The following CMSS1 variants were observed in gnomAD, a reference collection of about 807,000 sequenced individuals.
The protein encoded by CMSS1 is protein CMSS1.
Under a neutral mutation model 43.5 loss-of-function variants are expected in CMSS1, and 33 were observed. That is an observed-to-expected ratio of 0.76 (90% CI 0.57 to 1.01). The LOEUF (loss-of-function observed/expected upper bound fraction) is 1.01. CMSS1 is among the 50% of genes least tolerant of loss of function. The probability of loss-of-function intolerance (pLI) is 0.00; values close to 1 mark genes in which losing one functional copy is unlikely to be tolerated. For synonymous variants in CMSS1, 115 were observed against 117.2 expected (o/e 0.98, Z 0.12); for missense variants, 313 against 326.4 (o/e 0.96, Z 0.32).
chr3:99,853,583 G>C (rs1459281496), intron 1 of CMSS1, among the ~76,000 whole-genome samples: 1 of 152,180 alleles, frequency 6.6e-6, no homozygotes, highest in African/African-American at 2.4e-5. Flanking sequence ...TTTTGGAGTA[G>C]GCATGATGCA....
chr3:100,059,277 G>A (rs890717602), intron 1 of CMSS1, among the ~76,000 whole-genome samples: 5 of 152,096 alleles, frequency 3.3e-5, no homozygotes, highest in African/African-American at 4.8e-5. Context: ...TCCTTAAAGG[G>A]CTTTATAAAT....
chr3:100,067,366 G>A (rs1324952542), intron 1 of CMSS1, among the ~76,000 whole-genome samples: 1 of 152,182 alleles, frequency 6.6e-6, no homozygotes, highest in Non-Finnish European at 1.5e-5. Flanking sequence ...TTGGAAAGCA[G>A]GTAACTAAGC....
chr3:99,837,054 C>T (rs1942929173), intron 1 of CMSS1, among the ~76,000 whole-genome samples: 1 of 152,198 alleles, frequency 6.6e-6, no homozygotes, highest in Non-Finnish European at 1.5e-5. Flanking sequence ...CTAGTCTTCT[C>T]ATTGTCCTTA....
At chr3:100,076,813 T>C (rs1287001045) in intron 1 of CMSS1, among the ~76,000 whole-genome samples, 2 of 152,242 alleles carry the variant, frequency 1.3e-5, no homozygotes, top group African/African-American at 2.4e-5. Context: ...ATAAGATCTT[T>C]TGTGCAGCCT....
intron 1 of CMSS1, among the ~76,000 whole-genome samples, chr3:99,829,452 C>T (rs1379985876): frequency 6.6e-6 from 1 of 152,160 alleles, no homozygotes; most frequent in Non-Finnish European, 1.5e-5. Flanking sequence ...TTGAATTCAA[C>T]ATTTTGTATT....
chr3:100,104,389 A>G (rs1174615714), intron 1 of CMSS1, among the ~76,000 whole-genome samples: 1 of 152,196 alleles, frequency 6.6e-6, no homozygotes, highest in Non-Finnish European at 1.5e-5. Flanking sequence ...TCTGAGCTAC[A>G]CTTTTTTTTA....
chr3:100,012,552 A>G (rs1029181871), intron 1 of CMSS1, among the ~76,000 whole-genome samples: 2 of 151,944 alleles, frequency 1.3e-5, no homozygotes, highest in Non-Finnish European at 2.9e-5. Flanking sequence ...TTTCTCTAAC[A>G]TTGGGAAGGC....
At chr3:99,838,688 G>A (rs1031723575) in intron 1 of CMSS1, among the ~76,000 whole-genome samples, 4 of 152,126 alleles carry the variant, frequency 2.6e-5, no homozygotes, top group Admixed American at 6.5e-5. Context: ...AATCAGACCT[G>A]TTTTCACTCC....
intron 1 of CMSS1, chr3:100,115,085 A>G (rs2066546998): frequency 1.1e-6 from 1 of 916,978 alleles, no homozygotes; most frequent in Non-Finnish European, 1.7e-6. Flanking sequence ...TAAAATTTGA[A>G]GCATCTAATT....
chr3:99,848,125 CAGTT>C, intron 1 of CMSS1: 1 of 1,472,864 alleles, frequency 6.8e-7, no homozygotes, highest in Non-Finnish European at 9.0e-7. Context: ...ATGCAGGCAA[CAGTT>C]AGTTTCAGAT....
chr3:100,008,662 G>A (rs1710057228), intron 1 of CMSS1, among the ~76,000 whole-genome samples: 1 of 152,300 alleles, frequency 6.6e-6, no homozygotes, highest in African/African-American at 2.4e-5. Context: ...TAAGTCTATT[G>A]CACAGCAACA....
chr3:99,862,605 C>T (rs893665861), intron 1 of CMSS1, among the ~76,000 whole-genome samples: 1 of 152,188 alleles, frequency 6.6e-6, no homozygotes, highest in African/African-American at 2.4e-5. Flanking sequence ...ACAGTACCTC[C>T]AGCTCAGTTG....
At chr3:99,957,488 C>T (rs1348472196) in intron 1 of CMSS1, among the ~76,000 whole-genome samples, 1 of 152,036 alleles carries the variant, frequency 6.6e-6, no homozygotes, top group Non-Finnish European at 1.5e-5. Context: ...GAAAGATCCT[C>T]ATTAGGTTTC....
chr3:100,123,267 A>G (rs1394533311), intron 1 of CMSS1, among the ~76,000 whole-genome samples: 2 of 152,200 alleles, frequency 1.3e-5, no homozygotes, highest in Admixed American at 1.3e-4. Context: ...GGAAGCGTTC[A>G]GGTCTGAGAA....
At chr3:99,828,001 A>AGTCT (rs1942568433) in intron 1 of CMSS1, among the ~76,000 whole-genome samples, 1 of 152,238 alleles carries the variant, frequency 6.6e-6, no homozygotes, top group Non-Finnish European at 1.5e-5. Context: ...TACTTTAGGA[A>AGTCT]GTCTCCTGAC....
chr3:99,948,919 T>G (rs1708096468), intron 1 of CMSS1, among the ~76,000 whole-genome samples: 1 of 152,172 alleles, frequency 6.6e-6, no homozygotes, highest in African/African-American at 2.4e-5. Flanking sequence ...AACTGCACAC[T>G]GTAACCAGCA....
chr3:99,984,538 G>A (rs756322817), intron 1 of CMSS1, among the ~76,000 whole-genome samples: 13 of 152,072 alleles, frequency 8.5e-5, no homozygotes, highest in Non-Finnish European at 1.6e-4. Flanking sequence ...CTAGCCCCTG[G>A]TCACTGAAAC....
chr3:99,981,128 T>G (rs1476417490), intron 1 of CMSS1, among the ~76,000 whole-genome samples: 1 of 152,166 alleles, frequency 6.6e-6, no homozygotes, highest in Non-Finnish European at 1.5e-5. Context: ...GTCCGAGCAT[T>G]GTGCCACTGA....
chr3:99,921,915 C>G (rs541731582), intron 1 of CMSS1, among the ~76,000 whole-genome samples: 1 of 152,286 alleles, frequency 6.6e-6, no homozygotes, highest in South Asian at 2.1e-4. Flanking sequence ...CCTTCTTGCT[C>G]TCTTGGTTTA....
Sources: gnomAD v4.1 joint callset for allele counts (sites outside exome capture counted in the v4.1 genomes callset) on GRCh38, gnomAD v4.1.1 for gene constraint, MANE v1.5 for transcripts, NCBI Gene and HGNC (gene_info 2026-07-23, HGNC 2026-07-21) for gene names.